Variants in MACROD2 observed in about 807,000 individuals in gnomAD.
MACROD2 encodes mono-ADP ribosylhydrolase 2.
MACROD2 carries 36 observed loss-of-function variants against 70.4 expected under a neutral mutation model. The ratio of observed to expected loss-of-function variants is 0.51; its 90% CI spans 0.39 to 0.68. MACROD2 has a LOEUF of 0.68. Among genes scored for constraint, MACROD2 ranks in the 30% least tolerant of loss-of-function variants. The pLI is 0.00. For synonymous variants in MACROD2, 172 were observed against 178.8 expected (o/e 0.96, Z 0.30); for missense variants, 496 against 538.4 (o/e 0.92, Z 0.78).
chr20:15,439,548 C>T (rs893079826), intron 7 of MACROD2, among the ~76,000 whole-genome samples: 1 of 152,186 alleles, frequency 6.6e-6, no homozygotes, highest in Non-Finnish European at 1.5e-5. Flanking sequence ...TTCTCTCCCT[C>T]TGCAGCCCTA....
chr20:14,916,314 A>G (rs750688436), intron 5 of MACROD2, among the ~76,000 whole-genome samples: 3 of 152,166 alleles, frequency 2.0e-5, no homozygotes, highest in Non-Finnish European at 4.4e-5. Context: ...AAAGGGCTTT[A>G]TACCCCTAAA....
At chr20:14,203,979 G>A (rs2081501758) in intron 3 of MACROD2, among the ~76,000 whole-genome samples, 1 of 152,194 alleles carries the variant, frequency 6.6e-6, no homozygotes, top group Non-Finnish European at 1.5e-5. Flanking sequence ...AGTGTGTGTG[G>A]CATCAGTGGT....
intron 4 of MACROD2, among the ~76,000 whole-genome samples, chr20:14,557,450 G>A (rs1979111588): frequency 6.6e-6 from 1 of 151,836 alleles, no homozygotes; most frequent in Non-Finnish European, 1.5e-5. Context: ...CACAAAATGG[G>A]AGAAAATATT....
At chr20:15,224,604 GGTT>G (rs973555549) in intron 5 of MACROD2, among the ~76,000 whole-genome samples, 1 of 152,078 alleles carries the variant, frequency 6.6e-6, no homozygotes, top group African/African-American at 2.4e-5. Context: ...AAAATTCTTT[GGTT>G]GTTGAGGTAA....
intron 3 of MACROD2, among the ~76,000 whole-genome samples, chr20:14,458,100 C>T (rs1313865036): frequency 1.3e-5 from 2 of 149,152 alleles, no homozygotes; most frequent in African/African-American, 5.0e-5. Flanking sequence ...GACTCCATCT[C>T]AGAGAAAAGA....
At chr20:15,933,406 A>C in intron 11 of MACROD2, 68 bp downstream of exon 11, 2 of 1,411,000 alleles carry the variant, frequency 1.4e-6, no homozygotes, top group South Asian at 1.2e-5. Flanking sequence ...AACTTCACTC[A>C]ATGCTATTGT....
intron 5 of MACROD2, among the ~76,000 whole-genome samples, chr20:14,951,665 C>G (rs555028770): frequency 2.0e-5 from 3 of 152,104 alleles, no homozygotes; most frequent in African/African-American, 7.2e-5. Context: ...AGTAACCCAG[C>G]AACCCACTTC....
chr20:14,489,533 TAA>T (rs1213827751), intron 3 of MACROD2, among the ~76,000 whole-genome samples: 1 of 152,208 alleles, frequency 6.6e-6, no homozygotes, highest in Non-Finnish European at 1.5e-5. Flanking sequence ...ATTGGTGTTT[TAA>T]ATAGAGCTCC....
chr20:15,672,798 C>T (rs961186415), intron 8 of MACROD2, among the ~76,000 whole-genome samples: 3 of 152,272 alleles, frequency 2.0e-5, no homozygotes, highest in Non-Finnish European at 2.9e-5. Flanking sequence ...GCTGTGTCCC[C>T]ACCCAAATCT....
intron 5 of MACROD2, among the ~76,000 whole-genome samples, chr20:15,079,513 T>C (rs746182170): frequency 7.9e-5 from 12 of 152,146 alleles, no homozygotes; most frequent in Non-Finnish European, 1.8e-4. Context: ...GCTCCTTCCC[T>C]GAATCCAAGA....
intron 5 of MACROD2, among the ~76,000 whole-genome samples, chr20:14,986,822 A>G (rs2074853278): frequency 6.6e-6 from 1 of 152,188 alleles, no homozygotes; most frequent in South Asian, 2.1e-4. Flanking sequence ...GAATCTTAGG[A>G]GACCACATAG....
At chr20:15,979,451 C>T (rs1051093872) in intron 13 of MACROD2, among the ~76,000 whole-genome samples, 1 of 152,100 alleles carries the variant, frequency 6.6e-6, no homozygotes, top group Non-Finnish European at 1.5e-5. Context: ...ACAAGGGCTG[C>T]TGCGTGTCAC....
intron 5 of MACROD2, among the ~76,000 whole-genome samples, chr20:14,755,626 G>A (rs1478984754): frequency 6.6e-6 from 1 of 152,084 alleles, no homozygotes; most frequent in Non-Finnish European, 1.5e-5. Context: ...AAATTTAGTA[G>A]AAGGTGTGTC....
chr20:14,326,561 C>T lies in MACROD2; in HGVS notation c.272-166918C>T, dbSNP rs769769921. The T allele has an allele frequency of 6.2e-7, 1 of 1,613,926 alleles. No individual in the cohort carries two copies. The highest frequency in any genetic ancestry group is 1.7e-5 in the Admixed American group (1 of 59,978). On this transcript the variant is annotated intron_variant, in intron 3 of 17. Coordinates refer to ENST00000684519, the MANE Select transcript of MACROD2 (RefSeq NM_001351661.2). The surrounding 1 kb of genome is among the most constrained non-coding windows in gnomAD (Gnocchi z 5.5). The stretch of plus-strand genomic sequence containing the variant: ...GGTAGTGATTGTAACCAGTCACGTA[C>T]CCATTTCATCTTGCACCCGCAATAC...
chr20:14,133,665 T>C (rs1176686925), intron 3 of MACROD2, among the ~76,000 whole-genome samples: 2 of 152,240 alleles, frequency 1.3e-5, no homozygotes, highest in African/African-American at 2.4e-5. Flanking sequence ...GAACAACTTA[T>C]GTATACCTTG....
chr20:14,085,488 G>A (rs895325430), intron 2 of MACROD2, 133 bp from the exon 3 acceptor site: 26 of 446,062 alleles, frequency 5.8e-5, no homozygotes, highest in Non-Finnish European at 8.7e-5. Context: ...TTGTACTTAC[G>A]CTCTTATTTC....
At chr20:14,648,740 A>G (rs1985529382) in intron 4 of MACROD2, among the ~76,000 whole-genome samples, 1 of 152,162 alleles carries the variant, frequency 6.6e-6, no homozygotes, top group East Asian at 1.9e-4. Flanking sequence ...AGAGTATACT[A>G]TGAATATTCA....
At chr20:14,789,503 T>A (rs993019895) in intron 5 of MACROD2, among the ~76,000 whole-genome samples, 2 of 126,846 alleles carry the variant, frequency 1.6e-5, no homozygotes, top group Admixed American at 8.7e-5. Flanking sequence ...GAGATGGAGT[T>A]TCACTGTTGT....
intron 10 of MACROD2, among the ~76,000 whole-genome samples, chr20:15,925,102 G>A (rs182906152): frequency 3.3e-5 from 5 of 152,308 alleles, no homozygotes; most frequent in East Asian, 1.9e-4. Context: ...CAGGTTATGT[G>A]CATATCTGAG....
Sources: gnomAD v4.1 joint callset for allele counts (sites outside exome capture counted in the v4.1 genomes callset) on GRCh38, gnomAD v4.1.1 for gene constraint, Gnocchi (gnomAD v3.1) non-coding constraint, MANE v1.5 for transcripts, NCBI Gene and HGNC (gene_info 2026-07-23, HGNC 2026-07-21) for gene names.